CTNNA3: variants seen among roughly 807,000 people sequenced by gnomAD.
CTNNA3 encodes catenin alpha 3.
In CTNNA3, 76 loss-of-function variants were observed where a neutral mutation model predicts 95.7. The ratio of observed to expected loss-of-function variants is 0.79; its 90% CI spans 0.66 to 0.96. The LOEUF (loss-of-function observed/expected upper bound fraction) is 0.96, where lower values mean the gene tolerates loss of function less well. Ranked by LOEUF, CTNNA3 falls within the 40% of genes least tolerant of loss-of-function variation. The pLI is 0.00. For missense variants in CTNNA3, 1,191 were observed against 1,089.8 expected, an observed-to-expected ratio of 1.09 and a Z score of -1.31; for synonymous variants, 431 against 374.4, an observed-to-expected ratio of 1.15 and a Z score of -1.74.
chr10:66,468,779 AAAT>A (rs146935977), intron 11 of CTNNA3, among the ~76,000 whole-genome samples: 3,092 of 152,016 alleles, frequency 0.02, 114 homozygotes, highest in African/African-American at 0.072. Flanking sequence ...GCTGAAAAAT[AAAT>A]AATAAGAAGC....
chr10:67,032,434 T>A (rs112042198), intron 7 of CTNNA3, among the ~76,000 whole-genome samples: 2,111 of 152,062 alleles, frequency 0.014, 58 homozygotes, highest in African/African-American at 0.048. Flanking sequence ...AAAGTATGAG[T>A]TTGTTTTACA....
At chr10:67,294,306 G>T (rs1406801572) in intron 5 of CTNNA3, among the ~76,000 whole-genome samples, 2 of 152,124 alleles carry the variant, frequency 1.3e-5, no homozygotes, top group African/African-American at 2.4e-5. Flanking sequence ...CAAGATATAG[G>T]TGGGGAAAAA....
At chr10:67,739,770 C>A (rs1405749436) in intron 1 of CTNNA3, among the ~76,000 whole-genome samples, 1 of 152,194 alleles carries the variant, frequency 6.6e-6, no homozygotes, top group Non-Finnish European at 1.5e-5. Context: ...CCCCATCAAG[C>A]TGCCAATGAC....
At chr10:67,063,737 T>C (rs1457311293) in intron 7 of CTNNA3, among the ~76,000 whole-genome samples, 1 of 152,256 alleles carries the variant, frequency 6.6e-6, no homozygotes, top group Non-Finnish European at 1.5e-5. Context: ...TTGTACTCTA[T>C]ATAAACTCTT....
At chr10:67,118,088 A>G (rs1305042734) in intron 7 of CTNNA3, among the ~76,000 whole-genome samples, 1 of 152,058 alleles carries the variant, frequency 6.6e-6, no homozygotes, top group Non-Finnish European at 1.5e-5. Flanking sequence ...CTTTCAGACA[A>G]CAGTGGGCGC....
At chr10:66,789,365 G>A (rs1403756099) in intron 7 of CTNNA3, among the ~76,000 whole-genome samples, 1 of 152,022 alleles carries the variant, frequency 6.6e-6, no homozygotes, top group African/African-American at 2.4e-5. Context: ...GTTAGAGACA[G>A]GGTTTCACCA....
intron 5 of CTNNA3, among the ~76,000 whole-genome samples, chr10:67,467,803 T>C (rs1351591425): frequency 2.0e-5 from 3 of 151,982 alleles, no homozygotes; most frequent in Non-Finnish European, 2.9e-5. Flanking sequence ...CTCGACCTCC[T>C]GGGCTCAGGT....
At chr10:67,264,563 C>G (rs1324191868) in intron 5 of CTNNA3, among the ~76,000 whole-genome samples, 1 of 152,118 alleles carries the variant, frequency 6.6e-6, no homozygotes, top group East Asian at 1.9e-4. Context: ...TTCCAAAATT[C>G]ATAAGAGCTA....
chr10:67,035,819 G>T (rs1197991009), intron 7 of CTNNA3, among the ~76,000 whole-genome samples: 1 of 151,998 alleles, frequency 6.6e-6, no homozygotes, highest in Non-Finnish European at 1.5e-5. Context: ...CATAGCTGAA[G>T]CATGCGTCTG....
rs555338061 is a variant in CTNNA3 at position 66,594,170 on chromosome 10, C to T, written c.1374+27522G>A. 1.3e-3 allele frequency among the ~76,000 whole-genome samples: 198 copies of T among 151,716 alleles called. 1 individual carries two copies. The highest frequency in any genetic ancestry group is 4.4e-3 in the African/African-American group (182 of 41,328). ...TGGCAACACTATCCACTGTGATGCT[C>T]TGACCTGGAACCCCAGAGAGTCTAC... is the stretch of plus-strand genomic sequence containing the variant. On this transcript the variant is annotated intron_variant, in intron 10 of 17. Coordinates refer to ENST00000433211, the MANE Select transcript of CTNNA3 (RefSeq NM_013266.4).
chr10:67,290,665 C>A (rs1050993243), intron 5 of CTNNA3, among the ~76,000 whole-genome samples: 36 of 152,114 alleles, frequency 2.4e-4, no homozygotes, highest in African/African-American at 8.7e-4. Context: ...ACATCACTAG[C>A]AGGATAACCA....
chr10:66,432,680 G>T (rs1031426366), intron 11 of CTNNA3, among the ~76,000 whole-genome samples: 2 of 127,224 alleles, frequency 1.6e-5, no homozygotes, highest in Admixed American at 1.6e-4. Context: ...AAAAAAAAAA[G>T]TTCTGGTATA....
At chr10:67,436,346 C>A (rs546249196) in intron 5 of CTNNA3, among the ~76,000 whole-genome samples, 1 of 152,060 alleles carries the variant, frequency 6.6e-6, no homozygotes, top group Admixed American at 6.6e-5. Context: ...GGACTTACAC[C>A]TAAGACCTGA....
At chr10:66,419,557 A>T (rs375402733) in intron 11 of CTNNA3, among the ~76,000 whole-genome samples, 2 of 152,184 alleles carry the variant, frequency 1.3e-5, no homozygotes, top group East Asian at 3.8e-4. Flanking sequence ...TTCATTTGAA[A>T]CCAAAAAATA....
intron 7 of CTNNA3, among the ~76,000 whole-genome samples, chr10:67,095,166 T>C (rs1857906874): frequency 6.6e-6 from 1 of 151,666 alleles, no homozygotes. Context: ...TGTGATGCTG[T>C]ATTCAGATAT....
intron 11 of CTNNA3, among the ~76,000 whole-genome samples, chr10:66,463,850 C>T (rs1201277784): frequency 6.6e-6 from 1 of 151,184 alleles, no homozygotes; most frequent in Non-Finnish European, 1.5e-5. Flanking sequence ...AAGAGGCAAA[C>T]CATGTGGTCT....
chr10:67,577,702 A>G (rs915692258), intron 3 of CTNNA3, among the ~76,000 whole-genome samples: 5 of 149,296 alleles, frequency 3.3e-5, no homozygotes, highest in Admixed American at 6.7e-5. Flanking sequence ...ATACACACAT[A>G]TGTGTGTGTG....
intron 9 of CTNNA3, among the ~76,000 whole-genome samples, chr10:66,736,757 T>C (rs1297456572): frequency 2.0e-5 from 3 of 152,138 alleles, no homozygotes; most frequent in Non-Finnish European, 2.9e-5. Flanking sequence ...ATCCGTATTA[T>C]TCGTTTACAG....
At chr10:67,564,572 A>G (rs1841675618) in intron 3 of CTNNA3, among the ~76,000 whole-genome samples, 2 of 143,812 alleles carry the variant, frequency 1.4e-5, no homozygotes, top group Non-Finnish European at 3.0e-5. Flanking sequence ...CAGCACACCA[A>G]CATGGCACAT....
Sources: gnomAD v4.1 joint callset for allele counts (sites outside exome capture counted in the v4.1 genomes callset) on GRCh38, gnomAD v4.1.1 for gene constraint, MANE v1.5 for transcripts, NCBI Gene and HGNC (gene_info 2026-07-23, HGNC 2026-07-21) for gene names.